Variants in ATR observed in about 807,000 individuals in gnomAD.
ATR encodes ATR checkpoint kinase.
A neutral mutation model predicts 305.3 loss-of-function variants in ATR; 142 were observed. That is an observed-to-expected ratio of 0.47 (90% CI 0.41 to 0.53). The LOEUF is 0.53. ATR is among the 20% of genes least tolerant of loss of function. The pLI, the probability that ATR is intolerant of heterozygous loss-of-function variation, is 0.00. For synonymous variants in ATR, 1,050 were observed against 1,068.1 expected, an observed-to-expected ratio of 0.98 and a Z score of 0.33; for missense variants, 2,135 against 3,133.1, an observed-to-expected ratio of 0.68 and a Z score of 7.60.
intron 46 of ATR, chr3:142,450,288 A>G: frequency 1.2e-6 from 1 of 846,690 alleles, no homozygotes; most frequent in Middle Eastern, 2.8e-4. Context: ...GTTGCAAACC[A>G]GCTGCCGCTT....
rs570402298 is a variant in ATR at position 142,497,101 on chromosome 3, C to T, written c.5650G>A (p.Val1884Ile). ...TTCTGGGTCATTTCTAGTCGAGCTACCCAGTTTAGAGAATCTTCTTGAGAA... is the reference window on the plus strand; with the variant it reads ...TTCTGGGTCATTTCTAGTCGAGCTATCCAGTTTAGAGAATCTTCTTGAGAA... The part of the protein sequence containing the change: ...DSSQEDSLNW[V>I]ARLEMTQNSY... The change falls in exon 33 of 47, where the codon GTA (valine) becomes ATA (isoleucine). Residue 1884 changes from valine (V) to isoleucine (I), a missense_variant. Around this residue, in one of 9 missense-constraint regions of ATR, gnomAD observed 117 missense variants for 198.3 expected, o/e 0.59. Transcript: ENST00000350721. 5.6e-6 allele frequency: 9 copies of T among 1,614,028 alleles called. No homozygotes were observed. In the Admixed American group the frequency reaches 1.0e-4, roughly 18 times the overall value.
At chr3:142,515,553 C>A in intron 24 of ATR, 38 bp from the exon 25 acceptor site, 3 of 1,566,468 alleles carry the variant, frequency 1.9e-6, no homozygotes, top group Non-Finnish European at 2.6e-6. Context: ...AAAGATAAAT[C>A]CACCTGTTTA....
At chr3:142,549,792 T>A in intron 14 of ATR, 119 bp from the exon 15 acceptor site, 1 of 884,756 alleles carries the variant, frequency 1.1e-6, no homozygotes, top group Non-Finnish European at 1.8e-6. Context: ...CACTCCATAC[T>A]ATAAAATATG....
chr3:142,528,875 ATATATTTT>A (rs1239361921), intron 21 of ATR, among the ~76,000 whole-genome samples: 4 of 46,632 alleles, frequency 8.6e-5, no homozygotes, highest in African/African-American at 5.7e-4. Flanking sequence ...ATATATATAT[ATATATTTT>A]TTTTTTTTTT....
Position 142,576,555 on chromosome 3 carries a change from T to C in ATR, c.59+2091A>G, listed in dbSNP as rs116644550. On this transcript the variant is annotated intron_variant, in intron 1 of 46. Coordinates refer to ENST00000350721, the MANE Select transcript of ATR (RefSeq NM_001184.4). ...GTGAATATGGTGCCATGTACTGAGA[T>C]ATCTCTACTTCAATGAATAAGAGAA... is the stretch of plus-strand genomic sequence containing the variant. Among the ~76,000 whole-genome samples, 1,240 of 152,352 alleles carry C rather than the reference T, an allele frequency of 8.1e-3. 13 individuals carry two copies. The highest frequency in any genetic ancestry group is 0.029 in the African/African-American group (1,189 of 41,574).
intron 10 of ATR, among the ~76,000 whole-genome samples, chr3:142,555,326 G>A (rs1342600257): frequency 8.6e-6 from 1 of 115,664 alleles, no homozygotes; most frequent in East Asian, 2.3e-4. Flanking sequence ...GATTTAGGGA[G>A]TACTTTCTAT....
At chr3:142,472,525 C>G (rs1191610478) in intron 36 of ATR, among the ~76,000 whole-genome samples, 1 of 151,988 alleles carries the variant, frequency 6.6e-6, no homozygotes, top group Non-Finnish European at 1.5e-5. Flanking sequence ...ATTAACGATG[C>G]CGAACTTTTT....
At chr3:142,485,992 C>T (rs1201649756) in intron 35 of ATR, among the ~76,000 whole-genome samples, 3 of 152,206 alleles carry the variant, frequency 2.0e-5, no homozygotes, top group Admixed American at 1.3e-4. Context: ...ATTTCAAATG[C>T]TTTCATCCCT....
chr3:142,459,223 T>C lies in ATR; in HGVS notation c.7349+4A>G, dbSNP rs199551428. 36 of 1,613,986 alleles carry C rather than the reference T, an allele frequency of 2.2e-5. No homozygotes were observed. In the African/African-American group the frequency reaches 4.4e-4, roughly 20 times the overall value. ...AACAACGTATTATATTCTTGGTAAC[T>C]TACCATGATGTAGGATCAGGGAATG... On this transcript the variant is annotated splice_donor_region_variant and intron_variant, in intron 43 of 46. Transcript: ENST00000350721.
intron 1 of ATR, among the ~76,000 whole-genome samples, chr3:142,569,980 T>G (rs967700215): frequency 6.6e-6 from 1 of 152,122 alleles, no homozygotes; most frequent in African/African-American, 2.4e-5. Context: ...TCATAATGGG[T>G]GTGAAACAGT....
Position 142,553,274 on chromosome 3 carries a change from C to T in ATR, c.2758G>A (p.Val920Ile), listed in dbSNP as rs1295857035. 6.2e-7 allele frequency: 1 copy of T among 1,614,094 alleles called. No individual in the cohort carries two copies. The highest frequency in any genetic ancestry group is 8.5e-7 in the Non-Finnish European group (1 of 1,179,998). Residue 920 changes from valine to isoleucine, a missense_variant, in exon 13 of 47, where the codon GTT (valine) becomes ATT (isoleucine). Around this residue, in one of 9 missense-constraint regions of ATR, gnomAD observed 530 missense variants for 766.8 expected, o/e 0.69. Coordinates refer to ENST00000350721, the MANE Select transcript of ATR (RefSeq NM_001184.4). ...EIRALVAAKS[V>I]KLQSFFSQYK... ...TGGCTGAAAAAACTTTGCAGTTTAACACTTTTAGCTGCAACCAGAGCTCTA... is the reference window on the plus strand; with the variant it reads ...TGGCTGAAAAAACTTTGCAGTTTAATACTTTTAGCTGCAACCAGAGCTCTA...
intron 40 of ATR, 143 bp from the exon 41 acceptor site, chr3:142,465,383 T>C (rs975571703): frequency 4.0e-5 from 24 of 598,536 alleles, no homozygotes; most frequent in African/African-American, 3.6e-4. Flanking sequence ...TAAAAATCTT[T>C]TATTTTAATT....
At chr3:142,566,691 T>C (rs2035086052) in intron 2 of ATR, among the ~76,000 whole-genome samples, 1 of 150,220 alleles carries the variant, frequency 6.7e-6, no homozygotes, top group East Asian at 1.9e-4. Flanking sequence ...ACCAGAATTA[T>C]ATCCAGCACA....
At chr3:142,466,649 T>C (rs1339358704) in intron 39 of ATR, 116 bp from the exon 40 acceptor site, 14 of 948,182 alleles carry the variant, frequency 1.5e-5, no homozygotes, top group East Asian at 1.3e-4. Context: ...GTTTTCTAAG[T>C]ATTTCCTAAT....
chr3:142,474,358 A>G (rs1293304668), intron 36 of ATR, among the ~76,000 whole-genome samples: 1 of 152,176 alleles, frequency 6.6e-6, no homozygotes, highest in Non-Finnish European at 1.5e-5. Context: ...TAATTCTTCC[A>G]ATACATAAAC....
intron 1 of ATR, among the ~76,000 whole-genome samples, chr3:142,573,506 T>TAA (rs1180331616): frequency 7.5e-6 from 1 of 133,064 alleles, no homozygotes; most frequent in African/African-American, 2.8e-5. Flanking sequence ...ATAAAGTCCT[T>TAA]AAAAAAAAAA....
At chr3:142,460,630 A>G (rs2071005051) in intron 42 of ATR, among the ~76,000 whole-genome samples, 1 of 152,178 alleles carries the variant, frequency 6.6e-6, no homozygotes, top group African/African-American at 2.4e-5. Context: ...CCGTGAGATG[A>G]TAAATTTCTA....
In ATR at chr3:142,465,248, A is replaced by T. The variant is rs746273124; in HGVS notation, c.6898-8T>A. On this transcript the variant is annotated splice_polypyrimidine_tract_variant and splice_region_variant and intron_variant, in intron 40 of 46. Coordinates refer to ENST00000350721, the MANE Select transcript of ATR (RefSeq NM_001184.4). ...AGAAGCAAGAATTTCCACCTAAAAG[A>T]TGATGAGTTATATATGAATTAGGGC... 1 of 1,607,546 alleles carries T rather than the reference A, an allele frequency of 6.2e-7. No individual in the cohort carries two copies. The highest frequency in any genetic ancestry group is 2.2e-5 in the East Asian group (1 of 44,584).
chr3:142,468,202 T>C (rs1355064031), intron 38 of ATR, 134 bp from the exon 39 acceptor site: 1 of 1,052,676 alleles, frequency 9.5e-7, no homozygotes, highest in Non-Finnish European at 1.4e-6. Context: ...TCTGAAAATT[T>C]ATTTGGCAAT....
Sources: allele counts gnomAD v4.1 joint callset (sites outside exome capture counted in the v4.1 genomes callset), GRCh38; gene constraint gnomAD v4.1.1; regional missense constraint gnomAD v4.1.1; transcripts MANE v1.5; gene names NCBI Gene and HGNC (gene_info 2026-07-23, HGNC 2026-07-21).